TBXAS1: variants seen among roughly 807,000 people sequenced by gnomAD.
TBXAS1 encodes thromboxane A synthase 1, also known as thromboxane-A synthase.
A neutral mutation model predicts 60.7 loss-of-function variants in TBXAS1; 48 were observed. The ratio of observed to expected loss-of-function variants is 0.79; its 90% CI spans 0.63 to 1.01. TBXAS1 has a LOEUF of 1.01. Among genes scored for constraint, TBXAS1 ranks in the 50% least tolerant of loss-of-function variants. The pLI is 0.00. For synonymous variants in TBXAS1, 287 were observed against 269.7 expected, an observed-to-expected ratio of 1.06 and a Z score of -0.63; for missense variants, 685 against 686.3, an observed-to-expected ratio of 1.00 and a Z score of 0.02.
At chr7:139,799,007 G>C (rs6949027) in intron 4 of TBXAS1, among the ~76,000 whole-genome samples, 105,743 of 151,060 alleles carry the variant, frequency 0.7, 38,640 homozygotes, top group East Asian at 0.95. Context: ...TCCACCTGCC[G>C]TCAGACATTA....
intron 1 of TBXAS1, among the ~76,000 whole-genome samples, chr7:139,861,330 C>T (rs1393538054): frequency 6.6e-6 from 1 of 151,984 alleles, no homozygotes; most frequent in East Asian, 1.9e-4. Context: ...AACTCCAGGG[C>T]TCAAGCAGTC....
At chr7:139,947,670 C>A (rs1808846592) in intron 5 of TBXAS1, among the ~76,000 whole-genome samples, 1 of 152,192 alleles carries the variant, frequency 6.6e-6, no homozygotes, top group Non-Finnish European at 1.5e-5. Flanking sequence ...GGTGATTTCC[C>A]CTGAATGGTT....
At chr7:139,982,742 A>G (rs1316776608) in intron 9 of TBXAS1, among the ~76,000 whole-genome samples, 3 of 152,216 alleles carry the variant, frequency 2.0e-5, no homozygotes, top group African/African-American at 7.2e-5. Context: ...AAAGGATCAC[A>G]GCCCACATGT....
intron 4 of TBXAS1, among the ~76,000 whole-genome samples, chr7:139,921,202 A>G (rs6464450): frequency 0.19 from 28,411 of 152,004 alleles, 4,948 homozygotes; most frequent in African/African-American, 0.46. Flanking sequence ...AACATTTCCA[A>G]CACTCCAGAG....
At chr7:139,868,958 C>T (rs1051569776) in intron 1 of TBXAS1, among the ~76,000 whole-genome samples, 1 of 151,578 alleles carries the variant, frequency 6.6e-6, no homozygotes, top group Non-Finnish European at 1.5e-5. Flanking sequence ...CAGGCTCACC[C>T]GGCTAATTTT....
At chr7:139,992,076 G>A (rs747135908) in intron 9 of TBXAS1, among the ~76,000 whole-genome samples, 9 of 152,184 alleles carry the variant, frequency 5.9e-5, no homozygotes, top group Non-Finnish European at 1.2e-4. Context: ...CTCCCTGTCC[G>A]CTCTAGCAAT....
chr7:139,954,651 C>CT (rs1342228564), intron 6 of TBXAS1, among the ~76,000 whole-genome samples: 1 of 152,154 alleles, frequency 6.6e-6, no homozygotes. Context: ...CAGTTTTTAG[C>CT]TTTTTGGAAA....
intron 4 of TBXAS1, among the ~76,000 whole-genome samples, chr7:139,911,923 G>A (rs79143758): frequency 0.023 from 3,443 of 152,328 alleles, 51 homozygotes; most frequent in Non-Finnish European, 0.037. Flanking sequence ...AAGGATGGGC[G>A]AGGTGACAGA....
chr7:139,909,586 C>CT (rs1238862782), intron 3 of TBXAS1, among the ~76,000 whole-genome samples: 1 of 152,172 alleles, frequency 6.6e-6, no homozygotes, highest in Non-Finnish European at 1.5e-5. Context: ...AATACGATGA[C>CT]TCAGGTAAAT....
intron 3 of TBXAS1, among the ~76,000 whole-genome samples, chr7:139,904,705 G>T (rs1804835571): frequency 6.6e-6 from 1 of 151,976 alleles, no homozygotes; most frequent in African/African-American, 2.4e-5. Context: ...TTTTTTTGCA[G>T]CTATTGTAAA....
chr7:139,931,216 CT>C (rs1266308799), intron 4 of TBXAS1, among the ~76,000 whole-genome samples: 4 of 152,124 alleles, frequency 2.6e-5, no homozygotes, highest in Non-Finnish European at 5.9e-5. Flanking sequence ...TCTTTCTCTC[CT>C]TTTTTTAAAT....
At chr7:139,965,234 C>G (rs1810691050) in intron 9 of TBXAS1, among the ~76,000 whole-genome samples, 2 of 151,768 alleles carry the variant, frequency 1.3e-5, no homozygotes, top group African/African-American at 4.8e-5. Flanking sequence ...AAAAAAGGAC[C>G]ACATGTTATT....
At position 139,954,461 on chromosome 7, in the gene TBXAS1, T is replaced by C. The variant is rs1466600431; in HGVS notation, c.540-998T>C. ...GTTTTCACTCTAGCAGGGAAACGTGTAATCAGTTGTAGAAACGTTTTCAAT... is the reference window on the plus strand; with the variant it reads ...GTTTTCACTCTAGCAGGGAAACGTGCAATCAGTTGTAGAAACGTTTTCAAT... On this transcript the variant is annotated intron_variant, in intron 6 of 12. Transcript: ENST00000448866. Among the ~76,000 whole-genome samples, 3 of 152,348 alleles carry C rather than the reference T, an allele frequency of 2.0e-5. No individual in the cohort carries two copies. In the East Asian group the frequency reaches 5.8e-4, roughly 29 times the overall value.
In TBXAS1 at chr7:139,999,294, G is replaced by A. The variant is rs141871060; in HGVS notation, c.1135-7797G>A. Among the ~76,000 whole-genome samples, 1,704 of 152,370 alleles carry A rather than the reference G, an allele frequency of 0.011. 19 individuals carry two copies. Among genetic ancestry groups the A allele is most frequent in the Non-Finnish European group, 0.016 (1,059 of 68,040 alleles). ...AATCCCAGCACTTTGGGAGGCCGAG[G>A]TGGGTGAATCACCTGAGGTCAGGAG... On this transcript the variant is annotated intron_variant, in intron 9 of 12. Coordinates refer to ENST00000448866, the MANE Select transcript of TBXAS1 (RefSeq NM_001061.7). This position sits in a 1 kb window ranked among gnomAD's most constrained non-coding sequence, Gnocchi z 4.3.
chr7:139,897,762 T>G (rs1230655860), intron 3 of TBXAS1, among the ~76,000 whole-genome samples: 1 of 152,146 alleles, frequency 6.6e-6, no homozygotes, highest in Non-Finnish European at 1.5e-5. Flanking sequence ...ACCCCAGGCA[T>G]GAGTACTCTG....
intron 4 of TBXAS1, among the ~76,000 whole-genome samples, chr7:139,812,406 A>G (rs774961979): frequency 9.2e-5 from 14 of 152,076 alleles, no homozygotes; most frequent in Non-Finnish European, 1.9e-4. Context: ...TTTTCCAGAA[A>G]TTTTTTTCTC....
At chr7:139,857,334 A>G (rs566573238) in intron 1 of TBXAS1, among the ~76,000 whole-genome samples, 50 of 152,282 alleles carry the variant, frequency 3.3e-4, no homozygotes, top group African/African-American at 1.1e-3. Context: ...TGTTCATTTA[A>G]CTAAGCCATT....
chr7:139,934,399 G>GCTGGT (rs754206895), intron 4 of TBXAS1, among the ~76,000 whole-genome samples: 30 of 152,156 alleles, frequency 2.0e-4, no homozygotes, highest in Non-Finnish European at 4.0e-4. Flanking sequence ...TGTTGGCCAG[G>GCTGGT]CTGGTCTCAA....
At chr7:139,849,389 A>G (rs1800050135) in intron 1 of TBXAS1, among the ~76,000 whole-genome samples, 1 of 135,512 alleles carries the variant, frequency 7.4e-6, no homozygotes, top group Non-Finnish European at 1.5e-5. Flanking sequence ...AACACAAAAA[A>G]CAAAAAACAA....
Sources: allele counts gnomAD v4.1 joint callset (sites outside exome capture counted in the v4.1 genomes callset), GRCh38; gene constraint gnomAD v4.1.1; non-coding constraint Gnocchi (gnomAD v3.1); transcripts MANE v1.5; gene names NCBI Gene and HGNC (gene_info 2026-07-23, HGNC 2026-07-21).